Variants in SACM1L observed in about 807,000 individuals in gnomAD.
The protein encoded by SACM1L is phosphatidylinositol-3-phosphatase SAC1.
SACM1L carries 32 observed loss-of-function variants against 89.5 expected under a neutral mutation model. That is an observed-to-expected ratio of 0.36 (90% CI 0.27 to 0.48). The LOEUF (loss-of-function observed/expected upper bound fraction) is 0.48, where lower values mean the gene tolerates loss of function less well. Among genes scored for constraint, SACM1L ranks in the 20% least tolerant of loss-of-function variants. SACM1L has a pLI of 0.99. For synonymous variants in SACM1L, 213 were observed against 232.8 expected (o/e 0.92, Z 0.77); for missense variants, 543 against 708.5 (o/e 0.77, Z 2.65).
chr3:45,689,808 C>G (rs1002573562), intron 1 of SACM1L: 13 of 544,618 alleles, frequency 2.4e-5, no homozygotes, highest in Middle Eastern at 4.8e-4. Context: ...GCACGCTTGT[C>G]CCCACTTTCT....
intron 1 of SACM1L, among the ~76,000 whole-genome samples, chr3:45,700,301 C>A (rs999166053): frequency 6.6e-6 from 1 of 152,098 alleles, no homozygotes; most frequent in Non-Finnish European, 1.5e-5. Context: ...GCAACTGTCC[C>A]CCAAAATACA....
intron 19 of SACM1L, among the ~76,000 whole-genome samples, chr3:45,741,454 C>T (rs905732967): frequency 1.3e-5 from 2 of 152,156 alleles, no homozygotes; most frequent in Admixed American, 1.3e-4. Context: ...ACTGGATCAG[C>T]AACTTTTTGA....
intron 1 of SACM1L, among the ~76,000 whole-genome samples, chr3:45,699,626 C>T (rs1698219755): frequency 6.6e-6 from 1 of 152,142 alleles, no homozygotes; most frequent in Non-Finnish European, 1.5e-5. Context: ...CTCCTGGGTT[C>T]AGGCAATTCT....
At chr3:45,705,256 TAG>T in intron 3 of SACM1L, 47 bp downstream of exon 3, 3 of 1,184,792 alleles carry the variant, frequency 2.5e-6, no homozygotes, top group African/African-American at 1.5e-5. Context: ...ATTAGCAAGG[TAG>T]TTAAATTGTT....
intron 11 of SACM1L, among the ~76,000 whole-genome samples, chr3:45,724,022 A>G (rs1443426470): frequency 6.6e-6 from 1 of 151,860 alleles, no homozygotes; most frequent in Non-Finnish European, 1.5e-5. Context: ...CCATTAATCT[A>G]TTGATGGACA....
intron 1 of SACM1L, among the ~76,000 whole-genome samples, chr3:45,695,312 G>C (rs967614624): frequency 1.3e-5 from 2 of 151,654 alleles, no homozygotes; most frequent in African/African-American, 4.8e-5. Context: ...CCAGGCTGGA[G>C]TGCAGTGGCG....
At chr3:45,729,859 A>T (rs1407292043) in intron 11 of SACM1L, among the ~76,000 whole-genome samples, 1 of 151,962 alleles carries the variant, frequency 6.6e-6, no homozygotes. Context: ...TTTTTCTTCA[A>T]ATAATCTGTC....
At chr3:45,716,321 TA>T (rs1158647002) in intron 7 of SACM1L, among the ~76,000 whole-genome samples, 1 of 152,038 alleles carries the variant, frequency 6.6e-6, no homozygotes, top group African/African-American at 2.4e-5. Flanking sequence ...AAAAATTTTT[TA>T]AAAATTAGGC....
At chr3:45,743,412 T>C in intron 19 of SACM1L, 121 bp from the exon 20 acceptor site, 1 of 1,022,024 alleles carries the variant, frequency 9.8e-7, no homozygotes, top group East Asian at 2.5e-5. Flanking sequence ...AAGAGGTTCT[T>C]ATATTTTTCC....
chr3:45,741,430 T>A (rs1699312586), intron 19 of SACM1L, among the ~76,000 whole-genome samples: 1 of 152,224 alleles, frequency 6.6e-6, no homozygotes, highest in Non-Finnish European at 1.5e-5. Context: ...TTTGCATACT[T>A]GTTTGTTTTT....
chr3:45,712,719 G>C (rs1344830660), intron 5 of SACM1L, among the ~76,000 whole-genome samples: 12 of 152,178 alleles, frequency 7.9e-5, no homozygotes, highest in South Asian at 2.1e-4. Context: ...GCAGATAGGA[G>C]ACAGGACATG....
chr3:45,699,487 T>A (rs1457309214), intron 1 of SACM1L, among the ~76,000 whole-genome samples: 1 of 151,986 alleles, frequency 6.6e-6, no homozygotes, highest in East Asian at 1.9e-4. Context: ...AATTAAATGT[T>A]TTTAATTTCC....
intron 18 of SACM1L, among the ~76,000 whole-genome samples, 200 bp downstream of exon 18, chr3:45,739,073 A>T (rs1360578012): frequency 6.6e-6 from 1 of 152,228 alleles, no homozygotes; most frequent in African/African-American, 2.4e-5. Flanking sequence ...AGACTCTCAC[A>T]CATCCTTTTC....
At chr3:45,727,888 C>G (rs536217076) in intron 11 of SACM1L, among the ~76,000 whole-genome samples, 1 of 152,336 alleles carries the variant, frequency 6.6e-6, no homozygotes, top group South Asian at 2.1e-4. Flanking sequence ...AGCCACTGCG[C>G]CCAGCCTCTA....
chr3:45,716,592 T>G (rs1030262257), intron 7 of SACM1L, among the ~76,000 whole-genome samples: 4 of 152,056 alleles, frequency 2.6e-5, no homozygotes, highest in African/African-American at 9.7e-5. Flanking sequence ...CACCTACCAC[T>G]GTAGAAGGGA....
intron 1 of SACM1L, among the ~76,000 whole-genome samples, chr3:45,701,385 T>G (rs1292615078): frequency 6.6e-6 from 1 of 152,210 alleles, no homozygotes; most frequent in African/African-American, 2.4e-5. Context: ...ATTCATCACC[T>G]GCCGCATAGC....
intron 7 of SACM1L, among the ~76,000 whole-genome samples, chr3:45,719,037 A>G (rs1288561902): frequency 6.6e-6 from 1 of 152,162 alleles, no homozygotes; most frequent in Non-Finnish European, 1.5e-5. Context: ...TCATATGCTT[A>G]CCAGCTGTTA....
intron 7 of SACM1L, 45 bp downstream of exon 7, chr3:45,714,124 T>A (rs768476198): frequency 4.1e-6 from 5 of 1,226,614 alleles, no homozygotes; most frequent in Non-Finnish European, 5.7e-6. Flanking sequence ...ATGCCTTTAT[T>A]TAAATTTTAT....
At chr3:45,692,664 A>G (rs1321456544) in intron 1 of SACM1L, among the ~76,000 whole-genome samples, 1 of 152,194 alleles carries the variant, frequency 6.6e-6, no homozygotes, top group African/African-American at 2.4e-5. Flanking sequence ...TTCTTTGAGA[A>G]ATGTTTTCTT....
Sources: gnomAD v4.1 joint callset for allele counts (sites outside exome capture counted in the v4.1 genomes callset) on GRCh38, gnomAD v4.1.1 for gene constraint, MANE v1.5 for transcripts, NCBI Gene and HGNC (gene_info 2026-07-23, HGNC 2026-07-21) for gene names.